The following CADPS2 variants were observed in gnomAD, a reference collection of about 807,000 sequenced individuals.
CADPS2 encodes calcium dependent secretion activator 2.
Under a neutral mutation model 172.5 loss-of-function variants are expected in CADPS2, and 93 were observed. The observed-to-expected ratio is 0.54, with a 90% CI of 0.46 to 0.64. The LOEUF (loss-of-function observed/expected upper bound fraction) is 0.64, where lower values mean the gene tolerates loss of function less well. Among genes scored for constraint, CADPS2 ranks in the 30% least tolerant of loss-of-function variants. The pLI, the probability that CADPS2 is intolerant of heterozygous loss-of-function variation, is 0.00. For synonymous variants in CADPS2, 546 were observed against 555.2 expected, an observed-to-expected ratio of 0.98 and a Z score of 0.23; for missense variants, 1,420 against 1,565.9, an observed-to-expected ratio of 0.91 and a Z score of 1.57.
At chr7:122,830,117 C>T (rs900576429) in intron 1 of CADPS2, among the ~76,000 whole-genome samples, 3 of 151,962 alleles carry the variant, frequency 2.0e-5, no homozygotes, top group South Asian at 2.1e-4. Context: ...CAAGGTGACA[C>T]GGCAAGTAAC....
chr7:122,818,129 A>T (rs1011816257), intron 1 of CADPS2, among the ~76,000 whole-genome samples: 3 of 133,718 alleles, frequency 2.2e-5, no homozygotes, highest in Admixed American at 8.3e-5. Flanking sequence ...CCTTCCCTCC[A>T]TTTCTCTACT....
rs753690158 is a variant in CADPS2, at chr7:122,490,059, A to T, written c.1852+22T>A. 5 of 1,605,638 alleles carry T rather than the reference A, an allele frequency of 3.1e-6. No individual in the cohort carries two copies. The South Asian group carries it at 5.5e-5, about 18-fold the overall frequency. On this transcript the variant is annotated intron_variant, in intron 11 of 29. Coordinates refer to ENST00000449022, the MANE Select transcript of CADPS2 (RefSeq NM_017954.11). ...ATTAAGGCTATTAATTGATAATCAA[A>T]TTATTTTTTAACAAAACTTACAAAG...
At chr7:122,494,834 T>C (rs887647902) in intron 9 of CADPS2, among the ~76,000 whole-genome samples, 9 of 152,066 alleles carry the variant, frequency 5.9e-5, no homozygotes, top group African/African-American at 1.9e-4. Flanking sequence ...CTTTTTCCCT[T>C]GCATATGTCT....
chr7:122,581,106 G>C, intron 7 of CADPS2, 73 bp downstream of exon 7: 4 of 1,057,590 alleles, frequency 3.8e-6, no homozygotes, highest in East Asian at 2.4e-5. Flanking sequence ...ATGGCATACT[G>C]ATCTACCTTA....
intron 1 of CADPS2, among the ~76,000 whole-genome samples, chr7:122,863,807 A>G (rs563463127): frequency 7.2e-4 from 110 of 152,330 alleles, no homozygotes; most frequent in African/African-American, 2.6e-3. Flanking sequence ...AGGCATGCAG[A>G]TCACCTGAGG....
chr7:122,767,246 A>G (rs1380254982), intron 1 of CADPS2, among the ~76,000 whole-genome samples: 11 of 152,192 alleles, frequency 7.2e-5, no homozygotes. Flanking sequence ...ACACTAAACT[A>G]AAAAGCATTT....
At chr7:122,717,140 C>G (rs1430728951) in intron 2 of CADPS2, among the ~76,000 whole-genome samples, 2 of 152,070 alleles carry the variant, frequency 1.3e-5, no homozygotes, top group African/African-American at 4.8e-5. Flanking sequence ...TACAATTTAT[C>G]CTACAGCTTA....
chr7:122,531,238 A>G (rs1356385786), intron 8 of CADPS2, among the ~76,000 whole-genome samples: 1 of 152,234 alleles, frequency 6.6e-6, no homozygotes, highest in Non-Finnish European at 1.5e-5. Flanking sequence ...AGAGAGCGTC[A>G]AAGAAAAGAG....
In CADPS2 at chr7:122,438,468, C is replaced by G. The variant is rs779336130; in HGVS notation, c.2353-4G>C. On this transcript the variant is annotated splice_region_variant and splice_polypyrimidine_tract_variant and intron_variant, in intron 16 of 29. Transcript: ENST00000449022. ...TGGCAATATCTTTCATTAAAACCTACAGAGAGAGGAAGTGGAAGGGTGAGG... is the reference window on the plus strand; with the variant it reads ...TGGCAATATCTTTCATTAAAACCTAGAGAGAGAGGAAGTGGAAGGGTGAGG... 22 of 1,612,134 alleles carry G rather than the reference C, an allele frequency of 1.4e-5. No individual in the cohort carries two copies. The highest frequency in any genetic ancestry group is 1.3e-4 in the South Asian group (12 of 90,996).
intron 1 of CADPS2, among the ~76,000 whole-genome samples, chr7:122,791,492 C>A (rs1439952816): frequency 6.6e-6 from 1 of 152,008 alleles, no homozygotes; most frequent in Non-Finnish European, 1.5e-5. Context: ...CTGAAACATA[C>A]CAGCATAGCA....
At chr7:122,491,882 A>C (rs1335366083) in intron 9 of CADPS2, among the ~76,000 whole-genome samples, 2 of 152,178 alleles carry the variant, frequency 1.3e-5, no homozygotes. Context: ...TTATATCAAG[A>C]CTTTTAACAA....
At chr7:122,477,002 GGAGA>G (rs2056702534) in intron 12 of CADPS2, among the ~76,000 whole-genome samples, 6,484 of 42,012 alleles carry the variant, frequency 0.15, 480 homozygotes, top group Middle Eastern at 0.27. Flanking sequence ...GGAGGGGAGA[GGAGA>G]GGAGAGGAGA....
chr7:122,327,213 G>A (rs1026546539), intron 28 of CADPS2, among the ~76,000 whole-genome samples: 1 of 151,806 alleles, frequency 6.6e-6, no homozygotes, highest in African/African-American at 2.4e-5. Context: ...TTTAATTTCC[G>A]ACACTAAATT....
intron 10 of CADPS2, among the ~76,000 whole-genome samples, chr7:122,490,635 A>G (rs549280747): frequency 2.8e-4 from 42 of 152,264 alleles, no homozygotes; most frequent in Admixed American, 6.5e-5. Context: ...CATTCTATAC[A>G]TGGGAAAAAT....
rs1205155217 is a variant in CADPS2, at chr7:122,508,449, G to GTTTTTTTTTTTTTT, written c.1542+4786_1542+4799dup. ...TCCAGTTATTTATTTATTCATTTAA[G>GTTTTTTTTTTTTTT]TTTTTTTTTTTTTTTTTTTTTTTTT... On this transcript the variant is annotated intron_variant, in intron 9 of 29. Transcript: ENST00000449022. 2.8e-4 allele frequency among the ~76,000 whole-genome samples: 19 copies of GTTTTTTTTTTTTTT among 68,436 alleles called. 1 individual carries two copies. The highest frequency in any genetic ancestry group is 4.9e-4 in the Non-Finnish European group (16 of 32,908). The allele number at this position is 68,436 out of a possible 152,430, so 44.9% of individuals were successfully genotyped here. A position where few individuals can be genotyped will look rare whatever the true frequency, so the allele number is the denominator to read the frequency against.
intron 2 of CADPS2, among the ~76,000 whole-genome samples, chr7:122,726,949 T>C (rs184930466): frequency 1.5e-4 from 23 of 152,096 alleles, no homozygotes; most frequent in Admixed American, 1.2e-3. Context: ...AGCATTTCCC[T>C]GATTAATGAA....
At chr7:122,628,773 C>A (rs772746023) in intron 4 of CADPS2, among the ~76,000 whole-genome samples, 2 of 145,750 alleles carry the variant, frequency 1.4e-5, no homozygotes, top group East Asian at 2.0e-4. Flanking sequence ...ACTTCATCTG[C>A]CAGATTGCAT....
chr7:122,646,497 T>C (rs1458280064), intron 3 of CADPS2, among the ~76,000 whole-genome samples: 3 of 152,068 alleles, frequency 2.0e-5, no homozygotes, highest in Admixed American at 6.6e-5. Flanking sequence ...GAATTTTTCA[T>C]GGGTCATGAA....
At chr7:122,828,761 T>C (rs143497708) in intron 1 of CADPS2, among the ~76,000 whole-genome samples, 38 of 152,328 alleles carry the variant, frequency 2.5e-4, no homozygotes, top group African/African-American at 8.9e-4. Flanking sequence ...AGACTGTTTT[T>C]TCCCCTTTTA....
Sources: allele counts gnomAD v4.1 joint callset (sites outside exome capture counted in the v4.1 genomes callset), GRCh38; gene constraint gnomAD v4.1.1; transcripts MANE v1.5; gene names NCBI Gene and HGNC (gene_info 2026-07-23, HGNC 2026-07-21).